The following ARSB variants were observed in gnomAD, a reference collection of about 807,000 sequenced individuals.
ARSB encodes arylsulfatase B, also known as N-acetylgalactosamine-4-sulfatase.
Under a neutral mutation model 50.9 loss-of-function variants are expected in ARSB, and 41 were observed. The ratio of observed to expected loss-of-function variants is 0.81; its 90% CI spans 0.63 to 1.04. The LOEUF is 1.04. Among genes scored for constraint, ARSB ranks in the 50% least tolerant of loss-of-function variants. ARSB has a pLI of 0.00. For synonymous variants in ARSB, 269 were observed against 284.8 expected, an observed-to-expected ratio of 0.94 and a Z score of 0.56; for missense variants, 672 against 693.3, an observed-to-expected ratio of 0.97 and a Z score of 0.35.
intron 4 of ARSB, among the ~76,000 whole-genome samples, chr5:78,892,255 T>C (rs1158087859): frequency 7.3e-6 from 1 of 136,946 alleles, no homozygotes; most frequent in African/African-American, 2.8e-5. Flanking sequence ...ATTCTTTTTT[T>C]TTTTTTTTTT....
intron 4 of ARSB, among the ~76,000 whole-genome samples, chr5:78,922,079 C>T (rs1412773042): frequency 6.6e-6 from 1 of 152,106 alleles, no homozygotes; most frequent in Non-Finnish European, 1.5e-5. Context: ...TCCAGCAAGG[C>T]TCACCACCAT....
chr5:78,781,190 C>G (rs763429744), intron 7 of ARSB, among the ~76,000 whole-genome samples: 26 of 152,144 alleles, frequency 1.7e-4, no homozygotes, highest in Non-Finnish European at 3.4e-4. Context: ...CAGAGACTCT[C>G]TTTGTTAGCT....
intron 3 of ARSB, 117 bp downstream of exon 3, chr5:78,964,299 G>A: frequency 9.7e-7 from 1 of 1,030,748 alleles, no homozygotes; most frequent in Non-Finnish European, 1.5e-6. Context: ...ATTTGAAAAG[G>A]ACTTCCCTAG....
intron 7 of ARSB, 23 bp downstream of exon 7, chr5:78,781,829 G>T: frequency 6.2e-7 from 1 of 1,613,954 alleles, no homozygotes; most frequent in Non-Finnish European, 8.5e-7. Flanking sequence ...GGGAAGGGAA[G>T]TTTGCTAAGC....
intron 6 of ARSB, among the ~76,000 whole-genome samples, chr5:78,818,553 C>T (rs1168041503): frequency 6.6e-6 from 1 of 151,768 alleles, no homozygotes; most frequent in Non-Finnish European, 1.5e-5. Flanking sequence ...TTCAGAAACC[C>T]CACTTTCCTT....
chr5:78,842,272 G>A (rs1023387219), intron 5 of ARSB, among the ~76,000 whole-genome samples: 3 of 152,160 alleles, frequency 2.0e-5, no homozygotes, highest in African/African-American at 7.2e-5. Flanking sequence ...CGGAAGGAGG[G>A]GAAGGGGTGG....
intron 5 of ARSB, among the ~76,000 whole-genome samples, chr5:78,859,471 C>T (rs1746320042): frequency 6.6e-6 from 1 of 152,024 alleles, no homozygotes; most frequent in African/African-American, 2.4e-5. Flanking sequence ...GCCTTTCTTC[C>T]AATTTCCATT....
chr5:78,984,789 T>A, intron 1 of ARSB, 148 bp downstream of exon 1: 1 of 539,900 alleles, frequency 1.9e-6, no homozygotes, highest in Non-Finnish European at 2.6e-6. Flanking sequence ...AGAGCGAGGT[T>A]GGGGCGAGAA....
At chr5:78,872,219 G>A (rs1299385159) in intron 5 of ARSB, among the ~76,000 whole-genome samples, 1 of 150,956 alleles carries the variant, frequency 6.6e-6, no homozygotes, top group Non-Finnish European at 1.5e-5. Flanking sequence ...CTGTTGGTGG[G>A]ACTGTAAACT....
chr5:78,874,939 C>T (rs1198984135), intron 5 of ARSB, among the ~76,000 whole-genome samples: 2 of 151,768 alleles, frequency 1.3e-5, no homozygotes, highest in Admixed American at 1.3e-4. Context: ...TGAGACCCTG[C>T]CTCTACAAAA....
chr5:78,789,698 A>T (rs187786646), intron 6 of ARSB, among the ~76,000 whole-genome samples: 12 of 152,338 alleles, frequency 7.9e-5, no homozygotes, highest in Non-Finnish European at 8.8e-5. Flanking sequence ...GGTGGAAGCC[A>T]TAGAGAGAAC....
chr5:78,805,647 G>C (rs969242736), intron 6 of ARSB, among the ~76,000 whole-genome samples: 1 of 152,176 alleles, frequency 6.6e-6, no homozygotes, highest in African/African-American at 2.4e-5. Flanking sequence ...CAGGAAAGAG[G>C]AGGAATGATA....
At chr5:78,819,218 G>A (rs942680392) in intron 6 of ARSB, among the ~76,000 whole-genome samples, 25 of 152,134 alleles carry the variant, frequency 1.6e-4, no homozygotes, top group Admixed American at 4.6e-4. Flanking sequence ...ACCATCATGA[G>A]GAGGTTGAAA....
At chr5:78,924,165 C>T (rs764083137) in intron 4 of ARSB, among the ~76,000 whole-genome samples, 7 of 152,178 alleles carry the variant, frequency 4.6e-5, no homozygotes, top group Non-Finnish European at 1.0e-4. Flanking sequence ...TTATTAAATT[C>T]CTGCTTATGC....
intron 5 of ARSB, among the ~76,000 whole-genome samples, chr5:78,868,391 A>AC (rs1746922172): frequency 1.1e-5 from 1 of 93,378 alleles, no homozygotes. Context: ...TGAAGGAAAA[A>AC]ATGTTAAGGG....
At chr5:78,818,994 G>T (rs1328317245) in intron 6 of ARSB, among the ~76,000 whole-genome samples, 3 of 152,162 alleles carry the variant, frequency 2.0e-5, no homozygotes, top group Non-Finnish European at 2.9e-5. Context: ...CTTCCCTGGG[G>T]CCTGCACAGT....
chr5:78,854,405 T>C lies in ARSB; in HGVS notation c.1143-14979A>G, dbSNP rs145001531. 6.6e-5 allele frequency among the ~76,000 whole-genome samples: 10 copies of C among 152,368 alleles called. No homozygotes were observed. In the East Asian group the frequency reaches 1.7e-3, roughly 26 times the overall value. ...TTAACACTTCTTTTGCTGTATACCA[T>C]AGGTTTTTGATATGCTGTATGTCTA... On this transcript the variant is annotated intron_variant, in intron 5 of 7. Transcript: ENST00000264914.
intron 4 of ARSB, among the ~76,000 whole-genome samples, chr5:78,930,156 C>A (rs893734853): frequency 2.0e-5 from 3 of 152,262 alleles, no homozygotes; most frequent in South Asian, 2.1e-4. Context: ...AAAGGGGACA[C>A]CAAAGTGGGA....
intron 5 of ARSB, among the ~76,000 whole-genome samples, chr5:78,846,006 T>C (rs1177253780): frequency 6.6e-6 from 1 of 152,178 alleles, no homozygotes; most frequent in Non-Finnish European, 1.5e-5. Flanking sequence ...AGGAGTTTCA[T>C]AGCTTCAGGT....
Sources: allele counts gnomAD v4.1 joint callset (sites outside exome capture counted in the v4.1 genomes callset), GRCh38; gene constraint gnomAD v4.1.1; transcripts MANE v1.5; gene names NCBI Gene and HGNC (gene_info 2026-07-23, HGNC 2026-07-21).